AAK1: variants seen among roughly 807,000 people sequenced by gnomAD.
The protein encoded by AAK1 is AP2-associated protein kinase 1.
Under a neutral mutation model 116.0 loss-of-function variants are expected in AAK1, and 37 were observed. The ratio of observed to expected loss-of-function variants is 0.32; its 90% CI spans 0.25 to 0.42. The LOEUF is 0.42. Ranked by LOEUF, AAK1 falls within the 10% of genes least tolerant of loss-of-function variation. The pLI is 1.00. For missense variants in AAK1, 919 were observed against 1,170.6 expected, an observed-to-expected ratio of 0.79 and a Z score of 3.14; for synonymous variants, 458 against 439.9, an observed-to-expected ratio of 1.04 and a Z score of -0.51.
chr2:69,540,198 T>G (rs1230700237), intron 5 of AAK1, among the ~76,000 whole-genome samples: 1 of 148,432 alleles, frequency 6.7e-6, no homozygotes, highest in African/African-American at 2.5e-5. Context: ...CTCGGCTCAC[T>G]GCAACCTCCG....
chr2:69,504,977 T>C (rs544461075), intron 16 of AAK1, among the ~76,000 whole-genome samples: 1 of 152,338 alleles, frequency 6.6e-6, no homozygotes, highest in Non-Finnish European at 1.5e-5. Flanking sequence ...AAATGTATAA[T>C]TTTTTATTAA....
chr2:69,639,937 C>T (rs1475359224), intron 2 of AAK1, among the ~76,000 whole-genome samples: 1 of 151,760 alleles, frequency 6.6e-6, no homozygotes, highest in Non-Finnish European at 1.5e-5. Context: ...CTGGCTCTGT[C>T]CCCTAACAAT....
chr2:69,475,280 G>A lies in AAK1; in HGVS notation c.*589C>T. Reference sequence around the variant, plus strand: ...AGGTCAAAGTTGGTTGGCTAGAGCTGGGCTCAATTTCTCTTCTCAAATATA... The same window carrying A: ...AGGTCAAAGTTGGTTGGCTAGAGCTAGGCTCAATTTCTCTTCTCAAATATA... On this transcript the variant is annotated 3_prime_UTR_variant, in exon 22 of 22. Coordinates refer to ENST00000409085, the MANE Select transcript of AAK1 (RefSeq NM_014911.5). 2 of 985,900 alleles carry A rather than the reference G, an allele frequency of 2.0e-6. No homozygotes were observed. The highest frequency in any genetic ancestry group is 1.7e-5 in the African/African-American group (1 of 57,342). The allele number at this position is 985,900 out of a possible 1,614,324, so 61.1% of individuals were successfully genotyped here. A position where few individuals can be genotyped will look rare whatever the true frequency, so the allele number is the denominator to read the frequency against.
intron 12 of AAK1, among the ~76,000 whole-genome samples, chr2:69,516,153 T>C (rs113237071): frequency 3.7e-4 from 56 of 152,286 alleles, no homozygotes; most frequent in African/African-American, 1.1e-3. Context: ...GTGTATCAAA[T>C]TGGTAGCTGA....
At chr2:69,507,387 T>G in intron 15 of AAK1, 34 bp downstream of exon 15, 1 of 1,602,104 alleles carries the variant, frequency 6.2e-7, no homozygotes, top group Non-Finnish European at 8.5e-7. Flanking sequence ...GAATCTATAA[T>G]CAAGAAGCAC....
At chr2:69,572,397 C>T (rs1037111931) in intron 2 of AAK1, among the ~76,000 whole-genome samples, 2 of 152,022 alleles carry the variant, frequency 1.3e-5, no homozygotes, top group Non-Finnish European at 2.9e-5. Flanking sequence ...GTGGGCAGAT[C>T]ACCTGAGGTG....
At chr2:69,578,954 C>T (rs1672432042) in intron 2 of AAK1, among the ~76,000 whole-genome samples, 1 of 152,116 alleles carries the variant, frequency 6.6e-6, no homozygotes, top group Non-Finnish European at 1.5e-5. Context: ...CAGGTGCGTG[C>T]CACCATGCCC....
At position 69,475,837 on chromosome 2, in the gene AAK1, G is replaced by T. The variant is rs770453373; in HGVS notation, c.*32C>A. ...TGAAAATGTATTTTACGGTATGAAG[G>T]TTACAGAACTGCATCTGCTACTGGG... On this transcript the variant is annotated 3_prime_UTR_variant, in exon 22 of 22. Coordinates refer to ENST00000409085, the MANE Select transcript of AAK1 (RefSeq NM_014911.5). The T allele has an allele frequency of 2.5e-5, 40 of 1,595,158 alleles. No individual in the cohort carries two copies. The highest frequency in any genetic ancestry group is 3.3e-4 in the Middle Eastern group (2 of 6,028).
At chr2:69,571,442 T>C (rs1053437623) in intron 2 of AAK1, among the ~76,000 whole-genome samples, 3 of 152,210 alleles carry the variant, frequency 2.0e-5, no homozygotes, top group Non-Finnish European at 4.4e-5. Flanking sequence ...TTCCTGCTGT[T>C]GGGTTCTGGG....
chr2:69,512,633 C>T (rs756302212), intron 13 of AAK1, among the ~76,000 whole-genome samples: 4 of 152,192 alleles, frequency 2.6e-5, no homozygotes, highest in South Asian at 2.1e-4. Context: ...CAAGAGTCAG[C>T]GGAGACAAGG....
At chr2:69,619,223 C>A (rs1450391094) in intron 2 of AAK1, among the ~76,000 whole-genome samples, 1 of 152,296 alleles carries the variant, frequency 6.6e-6, no homozygotes, top group South Asian at 2.1e-4. Flanking sequence ...GATGACTAAC[C>A]CAACTCTCAG....
Position 69,475,842 on chromosome 2 carries a change from A to C in AAK1, c.*27T>G. On this transcript the variant is annotated 3_prime_UTR_variant, in exon 22 of 22. Transcript: ENST00000409085. ...ATGTATTTTACGGTATGAAGGTTAC[A>C]GAACTGCATCTGCTACTGGGTCACG... The C allele has an allele frequency of 6.2e-7, 1 of 1,601,934 alleles. No individual in the cohort carries two copies. Among genetic ancestry groups the C allele is most frequent in the Non-Finnish European group, 8.5e-7 (1 of 1,173,796 alleles).
intron 2 of AAK1, among the ~76,000 whole-genome samples, chr2:69,607,601 G>C (rs529539330): frequency 9.2e-5 from 14 of 152,250 alleles, no homozygotes; most frequent in African/African-American, 3.4e-4. Flanking sequence ...TGGCCATCGA[G>C]AGGTGGGACA....
chr2:69,597,088 C>T (rs973891935), intron 2 of AAK1, among the ~76,000 whole-genome samples: 7 of 151,758 alleles, frequency 4.6e-5, no homozygotes, highest in African/African-American at 7.3e-5. Context: ...GCATGGAACA[C>T]ACAAAACAAC....
intron 2 of AAK1, among the ~76,000 whole-genome samples, chr2:69,637,702 A>G (rs1053114596): frequency 6.6e-6 from 1 of 152,232 alleles, no homozygotes; most frequent in Non-Finnish European, 1.5e-5. Context: ...AGGTGGTACT[A>G]GTCCCCTTTC....
intron 2 of AAK1, among the ~76,000 whole-genome samples, chr2:69,570,641 G>C (rs1393824205): frequency 1.3e-5 from 2 of 152,112 alleles, no homozygotes; most frequent in Admixed American, 1.3e-4. Flanking sequence ...CTAGCAAGGA[G>C]AGCTTCTTAT....
At chr2:69,485,276 T>A (rs1439407544) in intron 17 of AAK1, among the ~76,000 whole-genome samples, 5 of 152,228 alleles carry the variant, frequency 3.3e-5, no homozygotes, top group Non-Finnish European at 7.3e-5. Flanking sequence ...CAGCAGTTTA[T>A]CTTGGTGCAA....
intron 5 of AAK1, among the ~76,000 whole-genome samples, chr2:69,535,384 C>T (rs545058218): frequency 6.8e-6 from 1 of 147,260 alleles, no homozygotes; most frequent in African/African-American, 2.4e-5. Context: ...AAAAGAAACA[C>T]GTTTCAACTC....
chr2:69,593,365 TA>T (rs953131410), intron 2 of AAK1, among the ~76,000 whole-genome samples: 1 of 152,108 alleles, frequency 6.6e-6, no homozygotes, highest in African/African-American at 2.4e-5. Context: ...TTATTGAGTT[TA>T]AAAAAACAGG....
Sources: gnomAD v4.1 joint callset for allele counts (sites outside exome capture counted in the v4.1 genomes callset) on GRCh38, gnomAD v4.1.1 for gene constraint, MANE v1.5 for transcripts, NCBI Gene and HGNC (gene_info 2026-07-23, HGNC 2026-07-21) for gene names.